The following NRXN1 variants were observed in gnomAD, a reference collection of about 807,000 sequenced individuals.
NRXN1 encodes neurexin-1.
In NRXN1, 39 loss-of-function variants were observed where a neutral mutation model predicts 150.9. The ratio of observed to expected loss-of-function variants is 0.26; its 90% CI spans 0.20 to 0.34. The LOEUF is 0.34. Ranked by LOEUF, NRXN1 falls within the 10% of genes least tolerant of loss-of-function variation. NRXN1 has a pLI of 1.00. For synonymous variants in NRXN1, 924 were observed against 757.0 expected, an observed-to-expected ratio of 1.22 and a Z score of -3.62; for missense variants, 1,815 against 1,949.9, an observed-to-expected ratio of 0.93 and a Z score of 1.30.
At chr2:50,101,553 T>C (rs1199523134) in intron 18 of NRXN1, among the ~76,000 whole-genome samples, 1 of 152,028 alleles carries the variant, frequency 6.6e-6, no homozygotes, top group African/African-American at 2.4e-5. Flanking sequence ...CATCCTTGGA[T>C]TGTAATTTTA....
chr2:50,706,203 A>C (rs144759800), intron 5 of NRXN1, among the ~76,000 whole-genome samples: 27 of 152,288 alleles, frequency 1.8e-4, no homozygotes, highest in African/African-American at 5.8e-4. Context: ...ATCCTTCAAA[A>C]GCATTTCCAT....
intron 21 of NRXN1, among the ~76,000 whole-genome samples, chr2:50,046,771 T>C (rs549147402): frequency 2.4e-4 from 36 of 152,258 alleles, no homozygotes; most frequent in African/African-American, 7.9e-4. Context: ...TTGACCACTA[T>C]GCATAGTGCC....
intron 17 of NRXN1, among the ~76,000 whole-genome samples, chr2:50,363,963 C>T (rs1261110395): frequency 5.9e-5 from 9 of 152,102 alleles, no homozygotes; most frequent in Non-Finnish European, 1.2e-4. Flanking sequence ...AGCTGGAAAC[C>T]ATCATTCTTA....
In NRXN1 at chr2:50,621,241, G is replaced by A; in HGVS notation, c.1143C>T (p.Gly381=). The A allele has an allele frequency of 6.4e-7, 1 of 1,571,402 alleles. No homozygotes were observed. Among genetic ancestry groups the A allele is most frequent in the Non-Finnish European group, 8.6e-7 (1 of 1,156,464 alleles). The change falls in exon 7 of 23, where the codon GGC becomes GGT. Residue 381 remains glycine, a synonymous_variant. Transcript: ENST00000401669. ...GTTTGTTTACCATAGCGTGTCCAAT[G>A]CCTGAGTGCTTTGTGGAGAAGGGGG... ...KVTRNLRQHS[G]IGHAMVTISV...
chr2:50,495,303 C>A (rs1315891094), intron 15 of NRXN1, among the ~76,000 whole-genome samples: 6 of 149,828 alleles, frequency 4.0e-5, no homozygotes, highest in African/African-American at 1.5e-4. Context: ...GGAAGAGAAG[C>A]GTATGTTAAG....
At chr2:50,116,850 G>GTTTTT (rs1703140807) in intron 18 of NRXN1, among the ~76,000 whole-genome samples, 1 of 152,140 alleles carries the variant, frequency 6.6e-6, no homozygotes, top group South Asian at 2.1e-4. Flanking sequence ...AAACAGGGTG[G>GTTTTT]TTTTTCTTAA....
chr2:50,279,250 T>C (rs773030177), intron 17 of NRXN1, among the ~76,000 whole-genome samples: 3 of 152,148 alleles, frequency 2.0e-5, no homozygotes, highest in African/African-American at 2.4e-5. Flanking sequence ...CTGGTCATCA[T>C]CAAATTTATA....
chr2:49,937,075 G>A (rs182055072), intron 22 of NRXN1, among the ~76,000 whole-genome samples: 35 of 152,254 alleles, frequency 2.3e-4, no homozygotes, highest in African/African-American at 6.7e-4. Context: ...CCATCTCTTC[G>A]TAATATAAAC....
chr2:50,561,560 TAAAAAAG>T (rs1211459995), intron 8 of NRXN1, among the ~76,000 whole-genome samples: 3 of 152,004 alleles, frequency 2.0e-5, no homozygotes, highest in African/African-American at 7.2e-5. Context: ...AATTTTGTGT[TAAAAAAG>T]AAAAAAGAAC....
At chr2:50,674,949 G>A (rs1366266671) in intron 5 of NRXN1, among the ~76,000 whole-genome samples, 4 of 151,856 alleles carry the variant, frequency 2.6e-5, no homozygotes, top group African/African-American at 9.7e-5. Flanking sequence ...AGGAGATGGG[G>A]CCTAGTGGGA....
chr2:50,800,748 C>A (rs1010164879), intron 5 of NRXN1, among the ~76,000 whole-genome samples: 1 of 152,098 alleles, frequency 6.6e-6, no homozygotes, highest in African/African-American at 2.4e-5. Flanking sequence ...CGGGGTTTCA[C>A]CATGTTGGTC....
At chr2:50,410,068 C>G (rs747953033) in intron 17 of NRXN1, among the ~76,000 whole-genome samples, 1 of 152,100 alleles carries the variant, frequency 6.6e-6, no homozygotes, top group Non-Finnish European at 1.5e-5. Context: ...CCATCAGTGC[C>G]TGATCTGACA....
chr2:51,021,566 A>G (rs1027685098), intron 2 of NRXN1, among the ~76,000 whole-genome samples: 1 of 151,934 alleles, frequency 6.6e-6, no homozygotes, highest in African/African-American at 2.4e-5. Flanking sequence ...ATATATATAT[A>G]CACAATTTTA....
intron 17 of NRXN1, among the ~76,000 whole-genome samples, chr2:50,403,955 G>GAT (rs2082570520): frequency 1.3e-5 from 2 of 152,128 alleles, no homozygotes; most frequent in African/African-American, 4.8e-5. Context: ...GTTGGAAGTG[G>GAT]ACTGCTATAC....
intron 17 of NRXN1, among the ~76,000 whole-genome samples, chr2:50,450,421 G>A (rs889224240): frequency 3.6e-5 from 5 of 138,472 alleles, no homozygotes; most frequent in African/African-American, 1.2e-4. Context: ...ACTTGTGATA[G>A]GTCATGGAGC....
chr2:50,592,667 A>G (rs1485571955), intron 8 of NRXN1, among the ~76,000 whole-genome samples: 1 of 152,190 alleles, frequency 6.6e-6, no homozygotes, highest in Non-Finnish European at 1.5e-5. Flanking sequence ...CTCAGGGCTT[A>G]GACTTTGTTG....
intron 17 of NRXN1, among the ~76,000 whole-genome samples, chr2:50,355,546 C>T (rs542668184): frequency 7.2e-5 from 11 of 152,110 alleles, no homozygotes; most frequent in Non-Finnish European, 1.6e-4. Context: ...ATAAAACACA[C>T]TGCACACTTT....
At chr2:50,429,265 C>A (rs1475838699) in intron 17 of NRXN1, among the ~76,000 whole-genome samples, 1 of 148,564 alleles carries the variant, frequency 6.7e-6, no homozygotes, top group East Asian at 2.2e-4. Flanking sequence ...ACTTTTTTTT[C>A]TTTTCTTTTG....
At chr2:50,103,989 G>T (rs1701317329) in intron 18 of NRXN1, among the ~76,000 whole-genome samples, 1 of 151,908 alleles carries the variant, frequency 6.6e-6, no homozygotes. Context: ...TGCCTGGTTA[G>T]CTGTTTCCTT....
Sources: allele counts gnomAD v4.1 joint callset (sites outside exome capture counted in the v4.1 genomes callset), GRCh38; gene constraint gnomAD v4.1.1; transcripts MANE v1.5; gene names NCBI Gene and HGNC (gene_info 2026-07-23, HGNC 2026-07-21).